CEP76: variants seen among roughly 807,000 people sequenced by gnomAD.
CEP76 encodes centrosomal protein of 76 kDa.
CEP76 carries 55 observed loss-of-function variants against 83.3 expected under a neutral mutation model. That is an observed-to-expected ratio of 0.66 (90% confidence interval 0.53 to 0.83). The LOEUF (loss-of-function observed/expected upper bound fraction) is 0.83. Among genes scored for constraint, CEP76 ranks in the 40% least tolerant of loss-of-function variants. CEP76 has a pLI of 0.00. For missense variants in CEP76, 694 were observed against 799.5 expected, an observed-to-expected ratio of 0.87 and a Z score of 1.59; for synonymous variants, 270 against 274.5, an observed-to-expected ratio of 0.98 and a Z score of 0.16.
chr18:12,688,422 T>A (rs940970897), intron 7 of CEP76, among the ~76,000 whole-genome samples: 35 of 152,218 alleles, frequency 2.3e-4, no homozygotes, highest in African/African-American at 7.9e-4. Context: ...AATCTACAGA[T>A]CTTTGGTTAG....
chr18:12,688,216 G>A lies in CEP76; in HGVS notation c.934-1766C>T, dbSNP rs576194852. On this transcript the variant is annotated intron_variant, in intron 7 of 11. Coordinates refer to ENST00000262127, the MANE Select transcript of CEP76 (RefSeq NM_024899.4). Reference sequence around the variant, plus strand: ...ACTGCACTCCAGCCTGGGCGAGAGCGAGACTCCATCTCAAAAAAAAAAAAA... The same window carrying A: ...ACTGCACTCCAGCCTGGGCGAGAGCAAGACTCCATCTCAAAAAAAAAAAAA... Among the ~76,000 whole-genome samples, 87 of 132,704 alleles carry A rather than the reference G, an allele frequency of 6.6e-4. 1 individual carries two copies. Among genetic ancestry groups the A allele is most frequent in the African/African-American group, 2.5e-3 (86 of 34,280 alleles). The allele number at this position is 132,704 out of a possible 152,430, so 87.1% of individuals were successfully genotyped here.
In CEP76 at chr18:12,701,662, GCACT is replaced by G. The variant is rs527814653; in HGVS notation, c.64-553_64-550del. Among the ~76,000 whole-genome samples, 173 of 152,272 alleles carry G rather than the reference GCACT, an allele frequency of 1.1e-3. 1 individual carries two copies. Among genetic ancestry groups the G allele is most frequent in the East Asian group, 7.0e-3 (36 of 5,178 alleles). On this transcript the variant is annotated intron_variant, in intron 1 of 11. Coordinates refer to ENST00000262127, the MANE Select transcript of CEP76 (RefSeq NM_024899.4). The stretch of plus-strand genomic sequence containing the variant: ...GTCGCTTTTATCACTTCAGCATCTT[GCACT>G]CAGTCGAGCGAGCGCTGCAGAAACT...
chr18:12,670,524 T>C (rs557336319), downstream of CEP76: 2 of 152,146 alleles, frequency 1.3e-5, no homozygotes, highest in Admixed American at 6.6e-5. Flanking sequence ...TCAGCCTCAA[T>C]GTTAATACAG....
At position 12,702,521 on chromosome 18, in the gene CEP76, C is replaced by A; in HGVS notation, c.28G>T (p.Glu10Ter). The stretch of plus-strand genomic sequence containing the variant: ...TGCTGGTGGATGAGCTGCTTCAGCT[C>A]GGAGGCTTTCTCCGGAGGCAGCGAC... MSLPPEKAS[E>*]LKQLIHQQLS... is the part of the protein sequence containing the mutation. The change falls in exon 1 of 12, where the codon GAG becomes TAG. Residue 10 changes from glutamate to a stop codon, truncating the protein, a stop_gained. Coordinates refer to ENST00000262127, the MANE Select transcript of CEP76 (RefSeq NM_024899.4). LOFTEE classifies it high-confidence loss of function. 6.2e-7 allele frequency: 1 copy of A among 1,609,106 alleles called. No individual in the cohort carries two copies.
At chr18:12,686,558 A>G in intron 7 of CEP76, 108 bp from the exon 8 acceptor site, 1 of 797,956 alleles carries the variant, frequency 1.3e-6, no homozygotes. Context: ...CCATTGATCG[A>G]GTGCTTACCT....
intron 9 of CEP76, 42 bp downstream of exon 9, chr18:12,680,620 T>C: frequency 7.9e-7 from 1 of 1,260,226 alleles, no homozygotes; most frequent in Non-Finnish European, 1.1e-6. Flanking sequence ...AAAAAAAACT[T>C]ATAACTTCAT....
At chr18:12,697,188 T>C (rs751110864) in intron 5 of CEP76, 35 bp downstream of exon 5, 4 of 1,363,450 alleles carry the variant, frequency 2.9e-6, no homozygotes, top group South Asian at 2.8e-5. Flanking sequence ...ACTGTGGCTA[T>C]AAAAAGGTTA....
At chr18:12,700,896 G>T in intron 2 of CEP76, 62 bp downstream of exon 2, 3 of 1,358,822 alleles carry the variant, frequency 2.2e-6, no homozygotes, top group Non-Finnish European at 3.1e-6. Context: ...AACCTTATAA[G>T]TAGTGTTACG....
At chr18:12,686,566 C>T in intron 7 of CEP76, 116 bp from the exon 8 acceptor site, 1 of 739,246 alleles carries the variant, frequency 1.4e-6, no homozygotes, top group East Asian at 2.7e-5. Context: ...CGAGTGCTTA[C>T]CTTGTATCCA....
In CEP76 at chr18:12,672,656, A is replaced by G. The variant is rs75334365; in HGVS notation, c.*709T>C. The G allele has an allele frequency of 0.14, 132,768 of 979,974 alleles. 9,652 individuals are homozygous for G. Among genetic ancestry groups the G allele is most frequent in the African/African-American group, 0.2 (11,368 of 57,182 alleles). The allele number at this position is 979,974 out of a possible 1,614,324, so 60.7% of individuals were successfully genotyped here. ...ATCGACTGCAAGATCACAATTTATC[A>G]GTATCATAACAAAGAGGTATAATAA... On this transcript the variant is annotated 3_prime_UTR_variant, in exon 12 of 12. Coordinates refer to ENST00000262127, the MANE Select transcript of CEP76 (RefSeq NM_024899.4).
At chr18:12,692,332 T>TACTGTCATTCTCTTGTTAAAACAC (rs1386723174) in intron 6 of CEP76, 4 of 150,712 alleles carry the variant, frequency 2.7e-5, no homozygotes, top group Non-Finnish European at 4.4e-5. Context: ...AAAAAAAACA[T>TACTGTCATTCTCTTGTTAAAACAC]ACTGTCATTC....
At chr18:12,682,154 A>G (rs2039373177) in intron 8 of CEP76, among the ~76,000 whole-genome samples, 1 of 152,128 alleles carries the variant, frequency 6.6e-6, no homozygotes, top group Non-Finnish European at 1.5e-5. Flanking sequence ...GTCCGAATGA[A>G]GAAATTTCTT....
downstream of CEP76, chr18:12,672,608 CCT>C (rs2038976848): frequency 1.0e-6 from 1 of 966,396 alleles, no homozygotes; most frequent in African/African-American, 1.8e-5. Context: ...AATAATGAAT[CCT>C]CTGACCACAG....
At chr18:12,698,847 G>A (rs2040052275) in intron 4 of CEP76, 132 bp downstream of exon 4, 4 of 647,260 alleles carry the variant, frequency 6.2e-6, no homozygotes, top group Non-Finnish European at 1.1e-5. Context: ...AAATTGAAAA[G>A]AGCAGTGGGA....
Position 12,672,819 on chromosome 18 carries a change from G to T in CEP76, c.*546C>A, listed in dbSNP as rs148292766. ...AGTTTTTTCCTACTCTTGCTTCAAG[G>T]TCCAACCATAAATTTCTGGACAGTC... On this transcript the variant is annotated 3_prime_UTR_variant, in exon 12 of 12. Coordinates refer to ENST00000262127, the MANE Select transcript of CEP76 (RefSeq NM_024899.4). The T allele has an allele frequency of 3.0e-6, 3 of 984,194 alleles. No individual in the cohort carries two copies. In the African/African-American group the frequency reaches 5.2e-5, roughly 17 times the overall value. 61.0% of individuals were successfully genotyped at this position (984,194 alleles called of 1,614,324 possible). A position where few individuals can be genotyped will look rare whatever the true frequency, so the allele number is the denominator to read the frequency against.
Position 12,673,302 on chromosome 18 carries a change from A to G in CEP76, c.*63T>C. The stretch of plus-strand genomic sequence containing the variant: ...AAAATAACAAACCTCTAAATAGCTA[A>G]GTAATGTACAATGTGTAAAATTCCA... On this transcript the variant is annotated 3_prime_UTR_variant, in exon 12 of 12. Coordinates refer to ENST00000262127, the MANE Select transcript of CEP76 (RefSeq NM_024899.4). The G allele has an allele frequency of 6.5e-7, 1 of 1,533,970 alleles. No homozygotes were observed. Among genetic ancestry groups the G allele is most frequent in the African/African-American group, 1.4e-5 (1 of 69,318 alleles).
At chr18:12,686,596 T>C in intron 7 of CEP76, 146 bp from the exon 8 acceptor site, 1 of 587,794 alleles carries the variant, frequency 1.7e-6, no homozygotes, top group South Asian at 2.1e-5. Context: ...TGCAAAGTGC[T>C]GTGTATATAA....
rs1040010722 is a variant in CEP76, at chr18:12,683,455, A to G, written c.1123-2627T>C. Among the ~76,000 whole-genome samples the G allele has an allele frequency of 2.6e-5, 4 of 152,122 alleles. No individual in the cohort carries two copies. The East Asian group carries it at 5.8e-4, about 22-fold the overall frequency. On this transcript the variant is annotated intron_variant, in intron 8 of 11. Coordinates refer to ENST00000262127, the MANE Select transcript of CEP76 (RefSeq NM_024899.4). ...AGGGAAATAGTTAAATGTATTTTGT[A>G]TATTGACTCAAGGAAACTTAAAACA...
intron 9 of CEP76, among the ~76,000 whole-genome samples, chr18:12,679,488 C>T (rs2039271761): frequency 6.6e-6 from 1 of 152,136 alleles, no homozygotes; most frequent in Non-Finnish European, 1.5e-5. Flanking sequence ...CAGTGTTTTT[C>T]CTTTTTGTTC....
Sources: gnomAD v4.1 joint callset for allele counts (sites outside exome capture counted in the v4.1 genomes callset) on GRCh38, gnomAD v4.1.1 for gene constraint, MANE v1.5 for transcripts, NCBI Gene and HGNC (gene_info 2026-07-23, HGNC 2026-07-21) for gene names.